Variants in LIN7A observed in about 807,000 individuals in gnomAD.
The protein encoded by LIN7A is protein lin-7 homolog A.
Under a neutral mutation model 29.8 loss-of-function variants are expected in LIN7A, and 25 were observed. That is an observed-to-expected ratio of 0.84 (90% CI 0.61 to 1.17). The LOEUF is 1.17. LIN7A is among the 50% of genes most tolerant of loss of function. The pLI is 0.00. For synonymous variants in LIN7A, 118 were observed against 107.5 expected (o/e 1.10, Z -0.60); for missense variants, 239 against 287.0 (o/e 0.83, Z 1.21).
intron 4 of LIN7A, chr12:80,845,447 A>G: frequency 3.2e-6 from 1 of 308,994 alleles, no homozygotes; most frequent in South Asian, 1.1e-4. Context: ...GTATTCTTGT[A>G]AATGTTACTT....
At chr12:80,900,179 G>A (rs1876137493) in intron 1 of LIN7A, among the ~76,000 whole-genome samples, 1 of 151,974 alleles carries the variant, frequency 6.6e-6, no homozygotes, top group South Asian at 2.1e-4. Flanking sequence ...GGTCTAGGTA[G>A]CACGCTTTCT....
intron 2 of LIN7A, among the ~76,000 whole-genome samples, chr12:80,849,298 C>T (rs1285584026): frequency 1.3e-5 from 2 of 152,144 alleles, no homozygotes; most frequent in Admixed American, 6.6e-5. Flanking sequence ...AAACGTACTT[C>T]CAGATTATTT....
At chr12:80,829,324 A>G (rs1285124570) in intron 4 of LIN7A, among the ~76,000 whole-genome samples, 1 of 152,156 alleles carries the variant, frequency 6.6e-6, no homozygotes, top group African/African-American at 2.4e-5. Context: ...TGTAATGCCA[A>G]TGATATTCTG....
chr12:80,899,509 G>A (rs996180317), intron 1 of LIN7A, among the ~76,000 whole-genome samples: 6 of 152,056 alleles, frequency 3.9e-5, no homozygotes, highest in African/African-American at 7.2e-5. Context: ...TAATGAGTTA[G>A]GGAGGAGTCC....
intron 5 of LIN7A, among the ~76,000 whole-genome samples, chr12:80,807,073 T>TTTTTTTTTTTTG: frequency 1.9e-5 from 1 of 52,646 alleles, no homozygotes; most frequent in African/African-American, 7.3e-5. Context: ...GTTTTTTTTT[T>TTTTTTTTTTTTG]TTTTTTTTTT....
At chr12:80,873,534 A>G (rs2062748402) in intron 2 of LIN7A, among the ~76,000 whole-genome samples, 1 of 118,692 alleles carries the variant, frequency 8.4e-6, no homozygotes, top group African/African-American at 4.4e-5. Flanking sequence ...CCCTGTCTCT[A>G]AAAAAAAAAA....
chr12:80,811,003 G>A (rs1871260755), intron 5 of LIN7A, among the ~76,000 whole-genome samples: 1 of 152,146 alleles, frequency 6.6e-6, no homozygotes, highest in Admixed American at 6.5e-5. Flanking sequence ...TTGTATCTCA[G>A]TATTCTAAAG....
chr12:80,793,113 A>G lies in LIN7A; in HGVS notation c.*4614T>C, dbSNP rs1592835573. 1 of 152,180 alleles carries G rather than the reference A, an allele frequency of 6.6e-6. No homozygotes were observed. The highest frequency in any genetic ancestry group is 1.9e-4 in the East Asian group (1 of 5,192). The allele number at this position is 152,180 out of a possible 1,614,324, so 9.4% of individuals were successfully genotyped here. A position where few individuals can be genotyped will look rare whatever the true frequency, so the allele number is the denominator to read the frequency against. ...TTAGACACATGAACTCTTGTGTCAG[A>G]TTGCATGGGTTCAAATCCCAGTTCC... On this transcript the variant is annotated 3_prime_UTR_variant, in exon 6 of 6. Transcript: ENST00000552864.
At chr12:80,934,317 G>A (rs1878086218) in intron 1 of LIN7A, among the ~76,000 whole-genome samples, 1 of 152,132 alleles carries the variant, frequency 6.6e-6, no homozygotes, top group Admixed American at 6.5e-5. Context: ...ATCAAGGACT[G>A]GGACCAAAGT....
chr12:80,899,857 C>T (rs1326972583), intron 1 of LIN7A, among the ~76,000 whole-genome samples: 9 of 144,334 alleles, frequency 6.2e-5, no homozygotes, highest in African/African-American at 2.0e-4. Context: ...CAAGCTCCGC[C>T]CCCAGGTTCA....
chr12:80,929,165 A>G (rs887018042), intron 1 of LIN7A, among the ~76,000 whole-genome samples: 1 of 152,166 alleles, frequency 6.6e-6, no homozygotes, highest in Non-Finnish European at 1.5e-5. Context: ...TTTTGCACCA[A>G]CCTAATAAAT....
intron 1 of LIN7A, among the ~76,000 whole-genome samples, chr12:80,931,531 G>A (rs571075240): frequency 2.6e-5 from 4 of 151,892 alleles, no homozygotes; most frequent in East Asian, 1.9e-4. Flanking sequence ...TTGCCTCCTC[G>A]GGAGGCTGAG....
rs1376934579 is a variant in LIN7A, at chr12:80,889,275, A to C, written c.177T>G (p.Ser59Arg). The C allele has an allele frequency of 1.2e-6, 2 of 1,610,312 alleles. No homozygotes were observed. Among genetic ancestry groups the C allele is most frequent in the Non-Finnish European group, 1.7e-6 (2 of 1,176,976 alleles). The part of the protein sequence containing the change: ...KLQSLKKVLQ[S>R]EFCTAIREVY... ...CCTCTCGAATAGCTGTACAAAACTCACTCTGAAGCACTTTTTTGAGGGATT... is the reference window on the plus strand; with the variant it reads ...CCTCTCGAATAGCTGTACAAAACTCCCTCTGAAGCACTTTTTTGAGGGATT... Residue 59 changes from serine (S) to arginine (R), a missense_variant, in exon 2 of 6, where the codon AGT becomes AGG. Ser to Arg is a moderately radical substitution (Grantham distance 110). Transcript: ENST00000552864.
chr12:80,856,694 C>T (rs765162222), intron 2 of LIN7A, among the ~76,000 whole-genome samples: 2 of 152,174 alleles, frequency 1.3e-5, no homozygotes, highest in African/African-American at 2.4e-5. Flanking sequence ...GAAGAAGAAA[C>T]TTCAGTTAAC....
chr12:80,889,179 G>T lies in LIN7A; in HGVS notation c.201+72C>A, dbSNP rs1414347380. 3.6e-6 allele frequency: 3 copies of T among 830,636 alleles called. No homozygotes were observed. The African/African-American group carries it at 5.1e-5, about 14-fold the overall frequency. 51.5% of individuals were successfully genotyped at this position (830,636 alleles called of 1,614,324 possible). On this transcript the variant is annotated intron_variant, in intron 2 of 5. Transcript: ENST00000552864. ...CCAATCTTAACAATTTCAACTGTTTGTGTAGAGAAGACATGTTTTCTATGA... is the reference window on the plus strand; with the variant it reads ...CCAATCTTAACAATTTCAACTGTTTTTGTAGAGAAGACATGTTTTCTATGA...
At position 80,813,777 on chromosome 12, in the gene LIN7A, C is replaced by T. The variant is rs143315292; in HGVS notation, c.484-2094G>A. 2.4e-3 allele frequency among the ~76,000 whole-genome samples: 372 copies of T among 152,160 alleles called. 2 individuals are homozygous for T. The highest frequency in any genetic ancestry group is 8.5e-3 in the African/African-American group (354 of 41,506). On this transcript the variant is annotated intron_variant, in intron 4 of 5. Transcript: ENST00000552864. ...ACATAAGGAAACCCTGGCTCCTGCC[C>T]CTCTGAGCGGATCACCAGGGCAGAT... is the stretch of plus-strand genomic sequence containing the variant.
At chr12:80,877,183 A>G (rs1331724734) in intron 2 of LIN7A, among the ~76,000 whole-genome samples, 1 of 151,902 alleles carries the variant, frequency 6.6e-6, no homozygotes, top group Non-Finnish European at 1.5e-5. Flanking sequence ...CCACATGTAC[A>G]CAAATACCCC....
At position 80,794,695 on chromosome 12, in the gene LIN7A, T is replaced by G. The variant is rs1480252224; in HGVS notation, c.*3032A>C. On this transcript the variant is annotated 3_prime_UTR_variant, in exon 6 of 6. Transcript: ENST00000552864. The stretch of plus-strand genomic sequence containing the variant: ...AGATTTTGCATTTAGATCTAAGTAT[T>G]GTCTTAAAAGACTGTGATTGTTCAC... 1.3e-5 allele frequency: 2 copies of G among 152,184 alleles called. No homozygotes were observed. The highest frequency in any genetic ancestry group is 2.9e-5 in the Non-Finnish European group (2 of 68,024). 9.4% of individuals were successfully genotyped at this position (152,184 alleles called of 1,614,324 possible). A position where few individuals can be genotyped will look rare whatever the true frequency, so the allele number is the denominator to read the frequency against.
intron 1 of LIN7A, among the ~76,000 whole-genome samples, chr12:80,926,188 T>G (rs897485550): frequency 6.6e-6 from 1 of 152,234 alleles, no homozygotes; most frequent in African/African-American, 2.4e-5. Flanking sequence ...TTTAAATATT[T>G]TATCTGTTGA....
Sources: allele counts gnomAD v4.1 joint callset (sites outside exome capture counted in the v4.1 genomes callset), GRCh38; gene constraint gnomAD v4.1.1; transcripts MANE v1.5; gene names NCBI Gene and HGNC (gene_info 2026-07-23, HGNC 2026-07-21).